The following HDAC9 variants were observed in gnomAD, a reference collection of about 807,000 sequenced individuals.
HDAC9 encodes the protein MEF-2 interacting transcription repressor (MITR) protein.
Under a neutral mutation model 139.4 loss-of-function variants are expected in HDAC9, and 41 were observed. That is an observed-to-expected ratio of 0.29 (90% CI 0.23 to 0.38). HDAC9 has a LOEUF of 0.38. HDAC9 is among the 10% of genes least tolerant of loss of function. The pLI is 1.00. For missense variants in HDAC9, 1,147 were observed against 1,297.0 expected (o/e 0.88, Z 1.78); for synonymous variants, 517 against 476.2 (o/e 1.09, Z -1.12).
intron 24 of HDAC9, among the ~76,000 whole-genome samples, chr7:18,967,460 T>A (rs1405546669): frequency 6.6e-6 from 1 of 151,484 alleles, no homozygotes; most frequent in Non-Finnish European, 1.5e-5. Context: ...TTCATTCAAT[T>A]TATGGAATCA....
At chr7:18,840,993 C>T (rs780072292) in intron 21 of HDAC9, among the ~76,000 whole-genome samples, 23 of 152,080 alleles carry the variant, frequency 1.5e-4, no homozygotes, top group Non-Finnish European at 2.8e-4. Flanking sequence ...ACTGCAAGTG[C>T]TCCTTGGACA....
intron 1 of HDAC9, among the ~76,000 whole-genome samples, chr7:18,431,225 A>G (rs1192343416): frequency 6.6e-6 from 1 of 152,212 alleles, no homozygotes; most frequent in Non-Finnish European, 1.5e-5. Flanking sequence ...CAGATAAATG[A>G]AAATTAATCG....
chr7:18,955,249 G>C (rs1281348452), intron 24 of HDAC9, among the ~76,000 whole-genome samples: 1 of 152,072 alleles, frequency 6.6e-6, no homozygotes, highest in East Asian at 1.9e-4. Flanking sequence ...GAAGGCTGGA[G>C]GTGATTTCAT....
At chr7:18,212,597 C>G (rs1446092063) in intron 2 of HDAC9, among the ~76,000 whole-genome samples, 2 of 152,150 alleles carry the variant, frequency 1.3e-5, no homozygotes, top group Non-Finnish European at 2.9e-5. Flanking sequence ...GTACCAGCCT[C>G]CTAGGATAGG....
chr7:18,525,907 G>T (rs1323182164), intron 2 of HDAC9, among the ~76,000 whole-genome samples: 1 of 152,118 alleles, frequency 6.6e-6, no homozygotes, highest in Non-Finnish European at 1.5e-5. Context: ...TGACTCTTAA[G>T]TTCTTGCTGC....
chr7:18,654,109 C>G (rs1286816103), intron 11 of HDAC9, among the ~76,000 whole-genome samples: 1 of 152,124 alleles, frequency 6.6e-6, no homozygotes, highest in East Asian at 1.9e-4. Context: ...AAGAACAATT[C>G]TTTACATGTG....
intron 15 of HDAC9, among the ~76,000 whole-genome samples, chr7:18,765,145 G>A (rs1215636821): frequency 6.6e-6 from 1 of 151,938 alleles, no homozygotes; most frequent in Non-Finnish European, 1.5e-5. Context: ...CAGTCAGTTT[G>A]GTGAAATAAA....
At chr7:18,854,287 C>T (rs1286782554) in intron 21 of HDAC9, among the ~76,000 whole-genome samples, 2 of 152,080 alleles carry the variant, frequency 1.3e-5, no homozygotes, top group Admixed American at 1.3e-4. Flanking sequence ...AAACACATTC[C>T]TGAGAAATGC....
chr7:18,398,050 C>T (rs1156693160), intron 1 of HDAC9, among the ~76,000 whole-genome samples: 6 of 152,136 alleles, frequency 3.9e-5, no homozygotes, highest in Non-Finnish European at 1.5e-5. Context: ...GGTTTAAATA[C>T]CCAACCTGAA....
chr7:18,204,898 T>G (rs1791387437), intron 2 of HDAC9, among the ~76,000 whole-genome samples: 1 of 152,036 alleles, frequency 6.6e-6, no homozygotes, highest in Admixed American at 6.6e-5. Flanking sequence ...TTGTAAAAGT[T>G]ATATTATTTT....
intron 1 of HDAC9, among the ~76,000 whole-genome samples, chr7:18,144,344 CCTT>C (rs1243720286): frequency 2.0e-5 from 3 of 152,254 alleles, no homozygotes; most frequent in East Asian, 3.9e-4. Flanking sequence ...GTAACTGGAA[CCTT>C]CTTCTGGTCC....
chr7:18,683,042 A>G (rs905367935), intron 12 of HDAC9, among the ~76,000 whole-genome samples: 1 of 152,052 alleles, frequency 6.6e-6, no homozygotes, highest in African/African-American at 2.4e-5. Context: ...GCCCTAGAAT[A>G]TAGGTATTAA....
intron 22 of HDAC9, among the ~76,000 whole-genome samples, chr7:18,883,430 G>A (rs1385719324): frequency 1.3e-5 from 2 of 151,972 alleles, no homozygotes; most frequent in South Asian, 2.1e-4. Context: ...CAGTATGAAG[G>A]ACAAAAACTA....
chr7:18,584,797 G>A (rs549412348), intron 2 of HDAC9, among the ~76,000 whole-genome samples: 65 of 152,290 alleles, frequency 4.3e-4, no homozygotes, highest in Non-Finnish European at 7.2e-4. Flanking sequence ...CTGCAAATAC[G>A]TTATATTACA....
At chr7:18,761,742 A>G (rs1347554030) in intron 14 of HDAC9, among the ~76,000 whole-genome samples, 5 of 152,198 alleles carry the variant, frequency 3.3e-5, no homozygotes, top group African/African-American at 1.2e-4. Context: ...AATGGTATTT[A>G]TTTATGTCCT....
At chr7:18,238,581 A>G (rs1793979964) in intron 2 of HDAC9, among the ~76,000 whole-genome samples, 1 of 152,328 alleles carries the variant, frequency 6.6e-6, no homozygotes, top group Middle Eastern at 3.4e-3. Flanking sequence ...AATATATCTG[A>G]CATTGCTATA....
intron 2 of HDAC9, among the ~76,000 whole-genome samples, chr7:18,166,692 T>C (rs1351712602): frequency 3.3e-5 from 5 of 152,338 alleles, no homozygotes; most frequent in African/African-American, 1.2e-4. Flanking sequence ...TTTAGAAGCA[T>C]ATGGGACCCA....
intron 1 of HDAC9, among the ~76,000 whole-genome samples, chr7:18,452,082 C>T (rs1228010357): frequency 1.3e-5 from 2 of 152,148 alleles, no homozygotes; most frequent in East Asian, 3.8e-4. Flanking sequence ...ATTTGAACTT[C>T]AGTTAGCAGC....
chr7:18,727,849 A>G, intron 13 of HDAC9, 92 bp downstream of exon 13: 1 of 1,015,520 alleles, frequency 9.8e-7, no homozygotes, highest in South Asian at 2.3e-5. Flanking sequence ...TAACTCCAAT[A>G]GCAGAACACT....
Sources: gnomAD v4.1 joint callset for allele counts (sites outside exome capture counted in the v4.1 genomes callset) on GRCh38, gnomAD v4.1.1 for gene constraint, MANE v1.5 for transcripts, NCBI Gene and HGNC (gene_info 2026-07-23, HGNC 2026-07-21) for gene names.